Variants in ENAH observed in about 807,000 individuals in gnomAD.
The protein encoded by ENAH is ENAH actin regulator.
Under a neutral mutation model 78.7 loss-of-function variants are expected in ENAH, and 23 were observed. That is an observed-to-expected ratio of 0.29 (90% CI 0.21 to 0.41). ENAH has a LOEUF of 0.41. Among genes scored for constraint, ENAH ranks in the 10% least tolerant of loss-of-function variants. ENAH has a pLI of 1.00. For missense variants in ENAH, 544 were observed against 691.0 expected, an observed-to-expected ratio of 0.79 and a Z score of 2.39; for synonymous variants, 226 against 241.0, an observed-to-expected ratio of 0.94 and a Z score of 0.58.
chr1:225,620,504 T>G (rs994299270), intron 1 of ENAH, among the ~76,000 whole-genome samples: 4 of 152,138 alleles, frequency 2.6e-5, no homozygotes, highest in African/African-American at 9.7e-5. Flanking sequence ...CACTCCAGCC[T>G]GGGTAATAAG....
rs1663273587 is a variant in ENAH, at chr1:225,652,723, C to T, written c.-33G>A. 3 of 1,314,402 alleles carry T rather than the reference C, an allele frequency of 2.3e-6. No homozygotes were observed. The highest frequency in any genetic ancestry group is 2.9e-6 in the Non-Finnish European group (3 of 1,033,500). The allele number at this position is 1,314,402 out of a possible 1,614,324, so 81.4% of individuals were successfully genotyped here. ...GCGGCGCAGAGGCTTCCCCACCAGC[C>T]GGGAGACGCAGAAGGCGCCGAGCCG... is the stretch of plus-strand genomic sequence containing the variant. On this transcript the variant is annotated 5_prime_UTR_variant, in exon 1 of 14. Coordinates refer to ENST00000366843, the MANE Select transcript of ENAH (RefSeq NM_018212.6).
chr1:225,567,449 A>G (rs770088201), intron 1 of ENAH, 35 bp from the exon 2 acceptor site: 7 of 1,585,872 alleles, frequency 4.4e-6, no homozygotes, highest in Non-Finnish European at 6.0e-6. Context: ...CAAACTTGCA[A>G]TATTTAAAAT....
chr1:225,635,020 A>G (rs1659809880), intron 1 of ENAH, among the ~76,000 whole-genome samples: 1 of 152,208 alleles, frequency 6.6e-6, no homozygotes, highest in African/African-American at 2.4e-5. Flanking sequence ...TAACAATATC[A>G]AGTCTTATCA....
At chr1:225,587,174 T>A (rs2096851743) in intron 1 of ENAH, among the ~76,000 whole-genome samples, 1 of 152,108 alleles carries the variant, frequency 6.6e-6, no homozygotes, top group Admixed American at 6.6e-5. Context: ...ATTGTATTGG[T>A]GGTCCTAGCC....
chr1:225,549,648 G>A (rs1002627869), intron 3 of ENAH, among the ~76,000 whole-genome samples: 5 of 151,466 alleles, frequency 3.3e-5, no homozygotes, highest in African/African-American at 4.8e-5. Context: ...TTATAAAGAT[G>A]ATTGGTTATG....
intron 1 of ENAH, among the ~76,000 whole-genome samples, chr1:225,578,521 G>A (rs2096799136): frequency 6.6e-6 from 1 of 152,170 alleles, no homozygotes; most frequent in Non-Finnish European, 1.5e-5. Context: ...TAGTAAGACT[G>A]AGATTATCTA....
chr1:225,541,269 C>T (rs1426832604), intron 3 of ENAH, among the ~76,000 whole-genome samples: 3 of 129,704 alleles, frequency 2.3e-5, no homozygotes, highest in Non-Finnish European at 4.8e-5. Flanking sequence ...TCCGTCTCTA[C>T]TAAAAATACA....
chr1:225,518,556 C>T (rs564566313), intron 5 of ENAH, among the ~76,000 whole-genome samples: 1 of 152,182 alleles, frequency 6.6e-6, no homozygotes, highest in East Asian at 1.9e-4. Context: ...TTTAATCAAA[C>T]CACATTAAGA....
intron 1 of ENAH, among the ~76,000 whole-genome samples, chr1:225,612,162 T>C (rs1265298986): frequency 1.3e-5 from 2 of 152,154 alleles, no homozygotes; most frequent in Non-Finnish European, 2.9e-5. Flanking sequence ...TCACAAGAGC[T>C]AAATGGTGGA....
At chr1:225,558,291 G>A (rs557972444) in intron 2 of ENAH, among the ~76,000 whole-genome samples, 16 of 152,248 alleles carry the variant, frequency 1.1e-4, no homozygotes, top group African/African-American at 1.4e-4. Context: ...AAAAAAGTAC[G>A]TAATACTGGT....
intron 1 of ENAH, among the ~76,000 whole-genome samples, chr1:225,572,191 G>A (rs1279816657): frequency 2.0e-5 from 3 of 152,066 alleles, no homozygotes; most frequent in Non-Finnish European, 2.9e-5. Context: ...GTGAAATCTC[G>A]AGAAGAGACT....
At chr1:225,624,871 A>T (rs1445798152) in intron 1 of ENAH, among the ~76,000 whole-genome samples, 1 of 152,210 alleles carries the variant, frequency 6.6e-6, no homozygotes, top group Non-Finnish European at 1.5e-5. Flanking sequence ...TTCCCAGGTC[A>T]CAATCTTACA....
rs1663315086 is a variant in ENAH, at chr1:225,652,898, G to A, written c.-208C>T. On this transcript the variant is annotated 5_prime_UTR_variant, in exon 1 of 14. Transcript: ENST00000366843. ...GTGTGGGAGAAGAGGGCGAGAGAAA[G>A]GCTGGGGAGGGGGCGGAGAGGCCGA... is the stretch of plus-strand genomic sequence containing the variant. 2.5e-6 allele frequency: 1 copy of A among 397,942 alleles called. No individual in the cohort carries two copies. The allele number at this position is 397,942 out of a possible 1,614,324, so 24.7% of individuals were successfully genotyped here.
intron 1 of ENAH, among the ~76,000 whole-genome samples, chr1:225,596,178 T>C (rs1311247950): frequency 6.6e-6 from 1 of 152,206 alleles, no homozygotes; most frequent in African/African-American, 2.4e-5. Flanking sequence ...TACTCTACCC[T>C]GGAAATCCCA....
chr1:225,639,472 G>A (rs1660630767), intron 1 of ENAH, among the ~76,000 whole-genome samples: 1 of 152,066 alleles, frequency 6.6e-6, no homozygotes, highest in Non-Finnish European at 1.5e-5. Context: ...GATGGGAGTG[G>A]GTTAGTTACC....
At chr1:225,615,260 G>A (rs1487572809) in intron 1 of ENAH, among the ~76,000 whole-genome samples, 2 of 152,218 alleles carry the variant, frequency 1.3e-5, no homozygotes, top group East Asian at 3.9e-4. Context: ...GGCCCGACTG[G>A]TCTCCAGCTC....
At position 225,519,281 on chromosome 1, in the gene ENAH, C is replaced by T. The variant is rs374345479; in HGVS notation, c.719G>A (p.Arg240Gln). 1.5e-5 allele frequency: 24 copies of T among 1,613,968 alleles called. 1 individual carries two copies. The highest frequency in any genetic ancestry group is 8.9e-5 in the East Asian group (4 of 44,830). Residue 240 changes from arginine to glutamine, a missense_variant, in exon 5 of 14, where the codon CGG (arginine) becomes CAG (glutamine). By Grantham distance (43) the Arg-to-Gln change is conservative. Coordinates refer to ENST00000366843, the MANE Select transcript of ENAH (RefSeq NM_018212.6). The part of the protein sequence containing the change: ...QERERLERLE[R>Q]ERQERERQEQ... ...TTGTCGCTCCCTTTCTTGCCTCTCC[C>T]GTTCCAGTCTCTCCAGCCTCTCTCG...
In ENAH at chr1:225,488,362, G is replaced by C. The variant is rs571741524; in HGVS notation, c.*9413C>G. 1.3e-5 allele frequency: 2 copies of C among 152,244 alleles called. No homozygotes were observed. The highest frequency in any genetic ancestry group is 2.4e-5 in the African/African-American group (1 of 41,498). 9.4% of individuals were successfully genotyped at this position (152,244 alleles called of 1,614,324 possible). The stretch of plus-strand genomic sequence containing the variant: ...TCTGCCAGAGGCTGAGCAACAGAAA[G>C]CTTCCAATGAGAACTCAGAAGGCAT... On this transcript the variant is annotated 3_prime_UTR_variant, in exon 14 of 14. Transcript: ENST00000366843.
At chr1:225,524,575 G>T (rs1012398113) in intron 4 of ENAH, 2 of 983,878 alleles carry the variant, frequency 2.0e-6, no homozygotes, top group South Asian at 9.4e-5. Flanking sequence ...TTACAAAGCC[G>T]CTGAGGCAAG....
Sources: allele counts gnomAD v4.1 joint callset (sites outside exome capture counted in the v4.1 genomes callset), GRCh38; gene constraint gnomAD v4.1.1; transcripts MANE v1.5; gene names NCBI Gene and HGNC (gene_info 2026-07-23, HGNC 2026-07-21).